Variants in ATP6V1H observed in about 807,000 individuals in gnomAD.
ATP6V1H encodes ATPase H+ transporting V1 subunit H.
A neutral mutation model predicts 71.7 loss-of-function variants in ATP6V1H; 39 were observed. The observed-to-expected ratio is 0.54, with a 90% CI of 0.42 to 0.71. The LOEUF is 0.71. ATP6V1H is among the 30% of genes least tolerant of loss of function. ATP6V1H has a pLI of 0.00. For missense variants in ATP6V1H, 509 were observed against 594.9 expected (o/e 0.86, Z 1.50); for synonymous variants, 192 against 199.3 (o/e 0.96, Z 0.31).
intron 2 of ATP6V1H, chr8:53,840,015 T>C (rs1256602707): frequency 7.4e-6 from 5 of 678,028 alleles, no homozygotes; most frequent in African/African-American, 5.9e-5. Flanking sequence ...TTTGCTTCCC[T>C]GCCTTTGCTC....
chr8:53,814,060 C>T (rs534324851), intron 6 of ATP6V1H, among the ~76,000 whole-genome samples: 1 of 152,254 alleles, frequency 6.6e-6, no homozygotes, highest in South Asian at 2.1e-4. Context: ...ATGCTGTTTG[C>T]AGTTTGAAAT....
At chr8:53,825,122 G>A (rs961703343) in intron 4 of ATP6V1H, among the ~76,000 whole-genome samples, 2 of 151,998 alleles carry the variant, frequency 1.3e-5, no homozygotes, top group African/African-American at 2.4e-5. Context: ...CCTAACAAAC[G>A]GAAAGGTATA....
At chr8:53,782,796 T>A (rs1156833329) in intron 9 of ATP6V1H, among the ~76,000 whole-genome samples, 10 of 152,254 alleles carry the variant, frequency 6.6e-5, no homozygotes, top group Non-Finnish European at 1.3e-4. Context: ...TCTATTGAGA[T>A]AATCATGTGG....
chr8:53,814,918 A>G (rs1191941518), intron 5 of ATP6V1H, 152 bp from the exon 6 acceptor site: 1 of 495,688 alleles, frequency 2.0e-6, no homozygotes, highest in East Asian at 3.5e-5. Context: ...TTTTTAAAAT[A>G]TATTTTGAAA....
intron 13 of ATP6V1H, 104 bp downstream of exon 13, chr8:53,743,473 A>C: frequency 1.3e-6 from 1 of 799,084 alleles, no homozygotes. Flanking sequence ...CAAAATAACT[A>C]ATTTTAAAAA....
At chr8:53,808,300 A>G (rs1456366545) in intron 7 of ATP6V1H, among the ~76,000 whole-genome samples, 1 of 152,236 alleles carries the variant, frequency 6.6e-6, no homozygotes, top group Non-Finnish European at 1.5e-5. Context: ...ACAGCAATCC[A>G]CTTCCACGCT....
rs573710850 is a variant in ATP6V1H at position 53,836,120 on chromosome 8, A to G, written c.114-3034T>C. On this transcript the variant is annotated intron_variant, in intron 2 of 13. Coordinates refer to ENST00000359530, the MANE Select transcript of ATP6V1H (RefSeq NM_015941.4). ...AAATGCACTCTGCACCCTGGGGTAG[A>G]CTAAAATAACAAGGTCATCCAGTCT... is the stretch of plus-strand genomic sequence containing the variant. Among the ~76,000 whole-genome samples, 10 of 152,330 alleles carry G rather than the reference A, an allele frequency of 6.6e-5. 1 individual carries two copies. The highest frequency in any genetic ancestry group is 3.4e-3 in the Middle Eastern group (1 of 294).
chr8:53,775,365 C>T (rs1042446197), intron 9 of ATP6V1H, among the ~76,000 whole-genome samples: 4 of 152,190 alleles, frequency 2.6e-5, no homozygotes, highest in Admixed American at 6.5e-5. Context: ...GGGACCGGAG[C>T]GGGTTGCCAA....
At chr8:53,841,447 T>C in intron 2 of ATP6V1H, 131 bp downstream of exon 2, 4 of 1,103,706 alleles carry the variant, frequency 3.6e-6, no homozygotes, top group Non-Finnish European at 5.2e-6. Flanking sequence ...CAGCTAATTA[T>C]TCTGAAGAGG....
intron 13 of ATP6V1H, among the ~76,000 whole-genome samples, chr8:53,739,277 GT>G (rs1007680522): frequency 2.0e-5 from 3 of 151,212 alleles, no homozygotes; most frequent in African/African-American, 4.9e-5. Context: ...CACATAAGAG[GT>G]TTTTTTTTCT....
intron 4 of ATP6V1H, among the ~76,000 whole-genome samples, chr8:53,827,816 T>C (rs1324163594): frequency 2.0e-5 from 3 of 152,160 alleles, no homozygotes; most frequent in Non-Finnish European, 2.9e-5. Context: ...TTTGTGTCCA[T>C]GTGTTCTCAT....
intron 11 of ATP6V1H, among the ~76,000 whole-genome samples, chr8:53,767,900 G>C (rs1027011768): frequency 6.6e-6 from 1 of 152,112 alleles, no homozygotes; most frequent in Non-Finnish European, 1.5e-5. Context: ...TTTGGCAACA[G>C]ACCAAAAGCA....
At chr8:53,819,475 T>A (rs1810560484) in intron 4 of ATP6V1H, among the ~76,000 whole-genome samples, 1 of 136,778 alleles carries the variant, frequency 7.3e-6, no homozygotes, top group Non-Finnish European at 1.5e-5. Flanking sequence ...GAGGTTATAG[T>A]GAGCTGAGAT....
intron 13 of ATP6V1H, among the ~76,000 whole-genome samples, chr8:53,736,411 A>G (rs1305685054): frequency 1.3e-5 from 2 of 152,236 alleles, no homozygotes; most frequent in East Asian, 1.9e-4. Flanking sequence ...ATGCCTCAAA[A>G]TAACTATACT....
At chr8:53,721,852 A>G (rs1312663815) in intron 13 of ATP6V1H, among the ~76,000 whole-genome samples, 2 of 152,256 alleles carry the variant, frequency 1.3e-5, no homozygotes, top group African/African-American at 4.8e-5. Context: ...TTCTAACAGC[A>G]TCTGAATTCA....
At chr8:53,777,669 G>A (rs995481348) in intron 9 of ATP6V1H, among the ~76,000 whole-genome samples, 4 of 152,198 alleles carry the variant, frequency 2.6e-5, no homozygotes, top group Admixed American at 6.5e-5. Flanking sequence ...AGGCTTTGCA[G>A]TCTCTGTCAC....
At chr8:53,781,515 C>A (rs927658252) in intron 9 of ATP6V1H, among the ~76,000 whole-genome samples, 21 of 152,268 alleles carry the variant, frequency 1.4e-4, no homozygotes, top group Non-Finnish European at 2.5e-4. Context: ...GTGGTGGTTT[C>A]TTTTGCTGTG....
intron 7 of ATP6V1H, among the ~76,000 whole-genome samples, chr8:53,803,044 T>C (rs1809965272): frequency 6.6e-6 from 1 of 152,176 alleles, no homozygotes; most frequent in Admixed American, 6.5e-5. Flanking sequence ...CTTTAAGAAG[T>C]AGAGAAAGGA....
At chr8:53,818,087 T>C (rs1810510872) in intron 4 of ATP6V1H, among the ~76,000 whole-genome samples, 1 of 152,190 alleles carries the variant, frequency 6.6e-6, no homozygotes, top group Admixed American at 6.5e-5. Flanking sequence ...GAGAAAATTC[T>C]TAGTTCCAAT....
Sources: gnomAD v4.1 joint callset for allele counts (sites outside exome capture counted in the v4.1 genomes callset) on GRCh38, gnomAD v4.1.1 for gene constraint, MANE v1.5 for transcripts, NCBI Gene and HGNC (gene_info 2026-07-23, HGNC 2026-07-21) for gene names.